Variants in PTER observed in about 807,000 individuals in gnomAD.
PTER encodes N-acetyltaurine hydrolase.
In PTER, 38 loss-of-function variants were observed where a neutral mutation model predicts 29.6. The observed-to-expected ratio is 1.28, with a 90% CI of 0.99 to 1.68. PTER has a LOEUF of 1.68. Ranked by LOEUF, PTER falls within the 40% of genes most tolerant of loss-of-function variation. The pLI is 0.00. For synonymous variants in PTER, 172 were observed against 154.5 expected (o/e 1.11, Z -0.84); for missense variants, 482 against 427.8 (o/e 1.13, Z -1.12).
At chr10:16,499,582 C>T (rs952988687) in intron 3 of PTER, among the ~76,000 whole-genome samples, 5 of 151,936 alleles carry the variant, frequency 3.3e-5, no homozygotes, top group East Asian at 3.9e-4. Flanking sequence ...GCTGGGACCC[C>T]GGGTGTGCAC....
intron 3 of PTER, among the ~76,000 whole-genome samples, chr10:16,503,041 T>A: frequency 7.0e-6 from 1 of 142,532 alleles, no homozygotes; most frequent in Non-Finnish European, 1.5e-5. Context: ...CTCTTAGAAG[T>A]AGATTCATGG....
chr10:16,461,330 A>C (rs576432050), intron 1 of PTER, among the ~76,000 whole-genome samples: 12 of 151,610 alleles, frequency 7.9e-5, no homozygotes, highest in Non-Finnish European at 1.6e-4. Flanking sequence ...ATTTAATTAC[A>C]TATATAATTA....
intron 3 of PTER, among the ~76,000 whole-genome samples, chr10:16,501,000 C>A (rs186806981): frequency 6.6e-6 from 1 of 152,088 alleles, no homozygotes; most frequent in African/African-American, 2.4e-5. Context: ...GGCACGATCT[C>A]GGCTCACTGC....
chr10:16,456,860 G>GGCGGC (rs1166265726), intron 1 of PTER, among the ~76,000 whole-genome samples: 1 of 102,836 alleles, frequency 9.7e-6, no homozygotes, highest in Admixed American at 1.0e-4. Context: ...CCATGGGGAA[G>GGCGGC]GTGGGGGGGG....
At chr10:16,501,065 G>A (rs547637849) in intron 3 of PTER, among the ~76,000 whole-genome samples, 2 of 152,146 alleles carry the variant, frequency 1.3e-5, no homozygotes, top group East Asian at 3.9e-4. Context: ...CTGAGTAGCT[G>A]GGACTGCAGC....
intron 1 of PTER, chr10:16,437,342 T>A (rs1033974583): frequency 2.9e-5 from 2 of 68,042 alleles, no homozygotes; most frequent in African/African-American, 1.9e-4. Context: ...AGCTTTTTTT[T>A]TTTTTTTTTT....
chr10:16,502,483 T>C (rs185148680), intron 3 of PTER, among the ~76,000 whole-genome samples: 97 of 152,284 alleles, frequency 6.4e-4, no homozygotes, highest in Admixed American at 1.8e-3. Flanking sequence ...GTACATTTTA[T>C]AGTAGAAAGG....
intron 4 of PTER, among the ~76,000 whole-genome samples, chr10:16,505,631 T>G (rs1468443094): frequency 6.6e-6 from 1 of 152,246 alleles, no homozygotes; most frequent in African/African-American, 2.4e-5. Context: ...CTAAATATTA[T>G]GTAAAATGAA....
At chr10:16,465,266 C>G (rs1834768010) in intron 1 of PTER, among the ~76,000 whole-genome samples, 1 of 152,016 alleles carries the variant, frequency 6.6e-6, no homozygotes. Flanking sequence ...CTAAGGTAGG[C>G]ACTGTGTTGG....
At chr10:16,452,177 T>A (rs554625270) in intron 1 of PTER, among the ~76,000 whole-genome samples, 1 of 119,464 alleles carries the variant, frequency 8.4e-6, no homozygotes, top group African/African-American at 3.2e-5. Context: ...TAAAATCAGT[T>A]TGAACCACCA....
intron 1 of PTER, among the ~76,000 whole-genome samples, chr10:16,464,922 G>T (rs143366676): frequency 2.0e-4 from 30 of 152,282 alleles, no homozygotes; most frequent in African/African-American, 6.7e-4. Context: ...AGGGAAGGAT[G>T]AGCAAAGTCA....
chr10:16,504,708 C>T (rs1317626385), intron 3 of PTER, among the ~76,000 whole-genome samples: 2 of 152,184 alleles, frequency 1.3e-5, no homozygotes, highest in Non-Finnish European at 2.9e-5. Flanking sequence ...GTGGGGGCAT[C>T]TTCTGAACAC....
At chr10:16,464,925 C>G (rs1834753058) in intron 1 of PTER, among the ~76,000 whole-genome samples, 1 of 152,248 alleles carries the variant, frequency 6.6e-6, no homozygotes, top group Non-Finnish European at 1.5e-5. Flanking sequence ...GAAGGATGAG[C>G]AAAGTCACAT....
intron 1 of PTER, among the ~76,000 whole-genome samples, chr10:16,455,280 A>T (rs770158457): frequency 3.9e-5 from 6 of 152,296 alleles, no homozygotes; most frequent in Non-Finnish European, 8.8e-5. Flanking sequence ...CTGAAGCATC[A>T]GACCAAGGGC....
chr10:16,503,809 G>C (rs1342200284), intron 3 of PTER, among the ~76,000 whole-genome samples: 1 of 152,126 alleles, frequency 6.6e-6, no homozygotes, highest in East Asian at 1.9e-4. Flanking sequence ...CAAACTGCTG[G>C]GATTGAGCCA....
intron 1 of PTER, among the ~76,000 whole-genome samples, chr10:16,448,618 G>A (rs1471589906): frequency 6.6e-6 from 1 of 152,168 alleles, no homozygotes; most frequent in Non-Finnish European, 1.5e-5. Flanking sequence ...CCCCTGGCAT[G>A]TAAATATCTC....
intron 1 of PTER, among the ~76,000 whole-genome samples, chr10:16,482,613 C>T (rs1187878624): frequency 6.6e-6 from 1 of 152,090 alleles, no homozygotes; most frequent in Non-Finnish European, 1.5e-5. Flanking sequence ...GACTTCAGAA[C>T]ACTATTTGAA....
At chr10:16,471,369 A>G (rs908981659) in intron 1 of PTER, among the ~76,000 whole-genome samples, 10 of 152,180 alleles carry the variant, frequency 6.6e-5, no homozygotes, top group South Asian at 6.2e-4. Flanking sequence ...ATGGATTTAC[A>G]CTAGTAACAT....
In PTER at chr10:16,511,296, G is replaced by A. The variant is rs1326341656; in HGVS notation, c.*40G>A. On this transcript the variant is annotated 3_prime_UTR_variant, in exon 5 of 5. Transcript: ENST00000535784. ...AATTCACACCTTGAGTATAAAACTT[G>A]CAGAGAACATTCAGCGATTTCCAGT... 9.7e-6 allele frequency: 15 copies of A among 1,548,088 alleles called. No individual in the cohort carries two copies. Among genetic ancestry groups the A allele is most frequent in the Non-Finnish European group, 1.3e-5 (15 of 1,121,650 alleles).
Sources: allele counts gnomAD v4.1 joint callset (sites outside exome capture counted in the v4.1 genomes callset), GRCh38; gene constraint gnomAD v4.1.1; transcripts MANE v1.5; gene names NCBI Gene and HGNC (gene_info 2026-07-23, HGNC 2026-07-21).